CYRIB: variants seen among roughly 807,000 people sequenced by gnomAD.
The protein encoded by CYRIB is CYFIP related Rac1 interactor B, also known as CYFIP-related Rac1 interactor B.
CYRIB carries 8 observed loss-of-function variants against 44.2 expected under a neutral mutation model. The observed-to-expected ratio is 0.18, with a 90% CI of 0.11 to 0.33. The LOEUF is 0.33. Among genes scored for constraint, CYRIB ranks in the 10% least tolerant of loss-of-function variants. The pLI is 1.00. For synonymous variants in CYRIB, 131 were observed against 127.2 expected (o/e 1.03, Z -0.20); for missense variants, 185 against 382.8 (o/e 0.48, Z 4.31).
chr8:129,994,515 C>T (rs1315626521), intron 1 of CYRIB, among the ~76,000 whole-genome samples: 1 of 152,166 alleles, frequency 6.6e-6, no homozygotes, highest in Non-Finnish European at 1.5e-5. Flanking sequence ...TGGAACTGAA[C>T]CGCAGAAGCC....
chr8:129,920,260 GTC>G (rs1491419110), intron 1 of CYRIB, among the ~76,000 whole-genome samples: 1 of 151,920 alleles, frequency 6.6e-6, no homozygotes, highest in Non-Finnish European at 1.5e-5. Context: ...TACCTTACAT[GTC>G]TTATGAGCTT....
upstream of CYRIB, among the ~76,000 whole-genome samples, chr8:129,944,701 T>A (rs2094012434): frequency 6.6e-6 from 1 of 151,806 alleles, no homozygotes; most frequent in Non-Finnish European, 1.5e-5. Context: ...GAGAATCACT[T>A]GAGCCCAGGA....
In CYRIB at chr8:129,860,142, T is replaced by C. The variant is rs75493225; in HGVS notation, c.301+2087A>G. On this transcript the variant is annotated intron_variant, in intron 5 of 11. Coordinates refer to ENST00000519824, the Ensembl canonical transcript of CYRIB. Reference sequence around the variant, plus strand: ...GTCTTCATAGTTGCATGCTGCTCCATGGTGCTGTTTGTGCTGGAATAGCAC... The same window carrying C: ...GTCTTCATAGTTGCATGCTGCTCCACGGTGCTGTTTGTGCTGGAATAGCAC... 3.5e-4 allele frequency among the ~76,000 whole-genome samples: 53 copies of C among 152,346 alleles called. No individual in the cohort carries two copies. In the East Asian group the frequency reaches 9.8e-3, roughly 28 times the overall value.
intron 2 of CYRIB, among the ~76,000 whole-genome samples, chr8:129,902,533 T>A (rs534612614): frequency 6.6e-6 from 1 of 152,140 alleles, no homozygotes; most frequent in Non-Finnish European, 1.5e-5. Context: ...TTTTTGTTTT[T>A]AGAGACAGGG....
intron 1 of CYRIB, among the ~76,000 whole-genome samples, chr8:129,919,763 TCTC>T (rs1430468489): frequency 6.6e-6 from 1 of 152,086 alleles, no homozygotes; most frequent in Non-Finnish European, 1.5e-5. Context: ...AGGAAAATCT[TCTC>T]CTATACAAAG....
chr8:129,953,813 C>T (rs775120286), intron 2 of CYRIB, among the ~76,000 whole-genome samples: 2 of 152,140 alleles, frequency 1.3e-5, no homozygotes, highest in Non-Finnish European at 2.9e-5. Context: ...ATTGAACCCT[C>T]GCCCAAAATT....
At chr8:129,974,712 T>C (rs1171566369) in intron 1 of CYRIB, among the ~76,000 whole-genome samples, 1 of 148,172 alleles carries the variant, frequency 6.7e-6, no homozygotes, top group South Asian at 2.1e-4. Context: ...AAAAAAAAAA[T>C]CACAGATTTT....
At chr8:129,973,746 A>G (rs1240495657) in intron 1 of CYRIB, among the ~76,000 whole-genome samples, 1 of 152,148 alleles carries the variant, frequency 6.6e-6, no homozygotes, top group Non-Finnish European at 1.5e-5. Flanking sequence ...GGATCACTTG[A>G]GCCTTGGAGT....
chr8:129,854,262 T>G lies in CYRIB; in HGVS notation c.516+4A>C. On this transcript the variant is annotated splice_donor_region_variant and intron_variant, in intron 7 of 11. Coordinates refer to ENST00000519824, the Ensembl canonical transcript of CYRIB. ...CATCCCCCTAATTCAAAGCATTAAC[T>G]TACCGGTACATTGTTAATCCTCATA... 6.3e-7 allele frequency: 1 copy of G among 1,599,516 alleles called. No homozygotes were observed. The highest frequency in any genetic ancestry group is 8.6e-7 in the Non-Finnish European group (1 of 1,169,406).
intron 1 of CYRIB, among the ~76,000 whole-genome samples, chr8:129,993,687 A>ACT (rs2096698064): frequency 3.4e-5 from 5 of 149,050 alleles, no homozygotes; most frequent in African/African-American, 1.2e-4. Context: ...ACAGAGTGAA[A>ACT]CTCTCTCTCA....
Position 129,896,994 on chromosome 8 carries a change from G to T in CYRIB, c.-11+6318C>A, listed in dbSNP as rs186446335. The T allele has an allele frequency of 2.7e-4, 41 of 152,294 alleles. No homozygotes were observed. In the East Asian group the frequency reaches 7.9e-3, roughly 29 times the overall value. The allele number at this position is 152,294 out of a possible 1,614,324, so 9.4% of individuals were successfully genotyped here. On this transcript the variant is annotated intron_variant, in intron 2 of 11. Transcript: ENST00000519824. ...CTCATAATTTGAGTTAAAAGATAAG[G>T]TATTCTCTGAAGTTAAGTATCCCTT...
At chr8:129,883,268 C>T (rs772370756) in intron 2 of CYRIB, among the ~76,000 whole-genome samples, 3 of 151,874 alleles carry the variant, frequency 2.0e-5, no homozygotes, top group Non-Finnish European at 4.4e-5. Context: ...TCTTGGGCTT[C>T]AATCCACTAG....
At chr8:129,874,342 T>C (rs188791563) in intron 3 of CYRIB, among the ~76,000 whole-genome samples, 1 of 152,202 alleles carries the variant, frequency 6.6e-6, no homozygotes, top group East Asian at 1.9e-4. Context: ...AACTTCACAC[T>C]AATTTCTTAT....
Position 129,846,791 on chromosome 8 carries a change from T to C in CYRIB, c.911+13A>G. ...GATTTTTTCTGTACATACGTACACGTACATATACACACCTGAGAGCATTTA... is the reference window on the plus strand; with the variant it reads ...GATTTTTTCTGTACATACGTACACGCACATATACACACCTGAGAGCATTTA... On this transcript the variant is annotated intron_variant, in intron 11 of 11. Transcript: ENST00000519824. The C allele has an allele frequency of 3.8e-6, 6 of 1,578,584 alleles. No individual in the cohort carries two copies. The highest frequency in any genetic ancestry group is 3.4e-6 in the Non-Finnish European group (4 of 1,166,064).
chr8:129,935,832 A>T (rs1161010168), intron 1 of CYRIB, among the ~76,000 whole-genome samples: 1 of 152,234 alleles, frequency 6.6e-6, no homozygotes, highest in East Asian at 1.9e-4. Context: ...TACTTCAACA[A>T]AATCACACAA....
At chr8:129,944,578 T>G (rs1057403062), upstream of CYRIB, among the ~76,000 whole-genome samples, 1 of 151,832 alleles carries the variant, frequency 6.6e-6, no homozygotes, top group African/African-American at 2.4e-5. Context: ...AGTCCAGGAG[T>G]TCGAGACCAG....
chr8:129,920,475 G>GT (rs2082987805), intron 1 of CYRIB, among the ~76,000 whole-genome samples: 1 of 152,044 alleles, frequency 6.6e-6, no homozygotes, highest in Non-Finnish European at 1.5e-5. Context: ...AGTATTTTCA[G>GT]ATTTTGGCTA....
intron 1 of CYRIB, among the ~76,000 whole-genome samples, chr8:129,930,491 C>T (rs1168014267): frequency 6.7e-6 from 1 of 149,746 alleles, no homozygotes; most frequent in Non-Finnish European, 1.5e-5. Flanking sequence ...GCTTATAAGG[C>T]ATGAACAATG....
chr8:129,912,830 C>G (rs982233859), intron 1 of CYRIB, among the ~76,000 whole-genome samples: 4 of 151,948 alleles, frequency 2.6e-5, no homozygotes, highest in African/African-American at 9.7e-5. Flanking sequence ...AATTCCTAAT[C>G]TGTGTGTCAT....
Sources: gnomAD v4.1 joint callset for allele counts (sites outside exome capture counted in the v4.1 genomes callset) on GRCh38, gnomAD v4.1.1 for gene constraint, MANE v1.5 for transcripts, NCBI Gene and HGNC (gene_info 2026-07-23, HGNC 2026-07-21) for gene names.